The following TENM1 variants were observed in gnomAD, a reference collection of about 807,000 sequenced individuals.
The protein encoded by TENM1 is teneurin-1.
A neutral mutation model predicts 174.8 loss-of-function variants in TENM1; 35 were observed. The ratio of observed to expected loss-of-function variants is 0.20; its 90% CI spans 0.15 to 0.27. The LOEUF (loss-of-function observed/expected upper bound fraction) is 0.27, where lower values mean the gene tolerates loss of function less well. Ranked by LOEUF, TENM1 falls within the 10% of genes least tolerant of loss-of-function variation. The probability of loss-of-function intolerance (pLI) is 1.00; values close to 1 mark genes in which losing one functional copy is unlikely to be tolerated. For missense variants in TENM1, 1,633 were observed against 2,130.1 expected (o/e 0.77, Z 4.59); for synonymous variants, 781 against 798.7 (o/e 0.98, Z 0.37).
the TENM1 span, among the ~76,000 whole-genome samples, chrX:125,182,164 C>T: frequency 9.1e-6 from 1 of 110,299 alleles, no homozygotes; most frequent in Non-Finnish European, 1.9e-5. Context: ...CATCCACCTT[C>T]CTTGGCTCAT....
intron 8 of TENM1, among the ~76,000 whole-genome samples, chrX:124,647,489 G>A (rs2148386485): frequency 9.0e-6 from 1 of 111,209 alleles, no homozygotes; most frequent in East Asian, 2.8e-4. Flanking sequence ...GAATTGAGAT[G>A]GCTTTGAAGG....
At chrX:125,065,521 T>C in the TENM1 span, among the ~76,000 whole-genome samples, 27 of 112,157 alleles carry the variant, frequency 2.4e-4, no homozygotes, top group East Asian at 7.3e-3. Context: ...CAGCTAATAA[T>C]GTAAAAAAGA....
intron 15 of TENM1, among the ~76,000 whole-genome samples, chrX:124,532,614 T>G (rs2148076771): frequency 8.9e-6 from 1 of 112,025 alleles, no homozygotes; most frequent in Non-Finnish European, 1.9e-5. Flanking sequence ...GTTCTTCTTT[T>G]CATTCATTTC....
chrX:125,085,879 T>C, the TENM1 span, among the ~76,000 whole-genome samples: 1 of 111,327 alleles, frequency 9.0e-6, no homozygotes, highest in Non-Finnish European at 1.9e-5. Context: ...CTTTTTCTTT[T>C]GTGATTTTTT....
chrX:124,706,831 T>C (rs112475727), intron 4 of TENM1, among the ~76,000 whole-genome samples: 2,101 of 111,863 alleles, frequency 0.019, 59 homozygotes, highest in African/African-American at 0.066. Context: ...TCTCATTGTG[T>C]ATTTATAGAA....
At chrX:124,761,198 T>C (rs750808849) in intron 3 of TENM1, among the ~76,000 whole-genome samples, 40 of 111,213 alleles carry the variant, frequency 3.6e-4, no homozygotes, top group Non-Finnish European at 6.0e-4. Flanking sequence ...ACTGGGTATA[T>C]ACCCAAAGGA....
intron 1 of TENM1, among the ~76,000 whole-genome samples, chrX:124,949,922 G>A (rs2058457264): frequency 9.0e-6 from 1 of 111,357 alleles, no homozygotes; most frequent in African/African-American, 3.3e-5. Context: ...TTTTAACATA[G>A]GGTAGAGGAG....
chrX:124,384,725 A>G, exon 30 of TENM1: 1 of 1,211,600 alleles, frequency 8.3e-7, no homozygotes, highest in Non-Finnish European at 1.1e-6. Flanking sequence ...GTAAAGATCT[A>G]TAGGCAAAGG....
At chrX:124,546,612 C>T (rs2048435207) in intron 15 of TENM1, among the ~76,000 whole-genome samples, 1 of 111,762 alleles carries the variant, frequency 8.9e-6, no homozygotes, top group South Asian at 3.7e-4. Flanking sequence ...AATTATATTT[C>T]CCTCCTGTTT....
chrX:124,643,116 T>C (rs2051060771), intron 10 of TENM1, among the ~76,000 whole-genome samples: 1 of 112,039 alleles, frequency 8.9e-6, no homozygotes, highest in African/African-American at 3.2e-5. Flanking sequence ...TCTAATTTGA[T>C]TCATGATTTG....
intron 3 of TENM1, among the ~76,000 whole-genome samples, chrX:124,793,375 A>G (rs1382531015): frequency 8.9e-6 from 1 of 111,943 alleles, no homozygotes; most frequent in Non-Finnish European, 1.9e-5. Flanking sequence ...TCTTAATATT[A>G]TACAACCATC....
At chrX:125,198,499 C>T in the TENM1 span, among the ~76,000 whole-genome samples, 463 of 111,638 alleles carry the variant, frequency 4.1e-3, 3 homozygotes, top group Non-Finnish European at 5.0e-3. Flanking sequence ...TAGGAATGCA[C>T]AAATCAAACT....
chrX:124,391,099 T>C, intron 28 of TENM1, among the ~76,000 whole-genome samples: 1 of 111,428 alleles, frequency 9.0e-6, no homozygotes, highest in Non-Finnish European at 1.9e-5. Context: ...CACACTATTT[T>C]TGTTTAACTT....
At chrX:124,548,248 A>T (rs2048478714) in intron 14 of TENM1, among the ~76,000 whole-genome samples, 1 of 112,188 alleles carries the variant, frequency 8.9e-6, no homozygotes, top group Admixed American at 9.4e-5. Flanking sequence ...TACCACAAAT[A>T]AAACTCATAC....
rs776554048 is a variant in TENM1, at chrX:124,778,046, T to G, written c.536-40849A>C. 2.6e-5 allele frequency among the ~76,000 whole-genome samples: 3 copies of G among 113,300 alleles called. No individual in the cohort carries two copies. In the Admixed American group the frequency reaches 2.8e-4, roughly 10 times the overall value. Reference sequence around the variant, plus strand: ...CATAGTTTGCTGACCCCTCTTGTACTGTCTTGGTTTTCATTATCCAGTGGA... The same window carrying G: ...CATAGTTTGCTGACCCCTCTTGTACGGTCTTGGTTTTCATTATCCAGTGGA... On this transcript the variant is annotated intron_variant, in intron 3 of 31. Transcript: ENST00000422452.
At chrX:124,523,040 G>A (rs1272601251) in intron 17 of TENM1, among the ~76,000 whole-genome samples, 1 of 111,871 alleles carries the variant, frequency 8.9e-6, no homozygotes, top group East Asian at 2.8e-4. Flanking sequence ...AACAGTCCAA[G>A]CTCATGGATT....
chrX:124,893,608 G>C (rs1047057613), intron 3 of TENM1, among the ~76,000 whole-genome samples: 2 of 111,865 alleles, frequency 1.8e-5, no homozygotes, highest in African/African-American at 6.5e-5. Context: ...CGAGGTGTTA[G>C]AGAAGGGCCC....
At chrX:124,882,166 A>T (rs1380769314) in intron 3 of TENM1, among the ~76,000 whole-genome samples, 1 of 112,641 alleles carries the variant, frequency 8.9e-6, no homozygotes, top group Admixed American at 9.4e-5. Context: ...TACAATTTCC[A>T]AAGTTCCTTT....
intron 3 of TENM1, among the ~76,000 whole-genome samples, chrX:124,815,553 T>G (rs925139862): frequency 1.8e-5 from 2 of 111,711 alleles, no homozygotes; most frequent in Non-Finnish European, 3.8e-5. Context: ...TTTGAAATAG[T>G]TGCCAGAAAA....
Sources: gnomAD v4.1 joint callset for allele counts (sites outside exome capture counted in the v4.1 genomes callset) on GRCh38, gnomAD v4.1.1 for gene constraint, MANE v1.5 for transcripts, NCBI Gene and HGNC (gene_info 2026-07-23, HGNC 2026-07-21) for gene names.